The following CYP2S1 variants were observed in gnomAD, a reference collection of about 807,000 sequenced individuals.
The protein encoded by CYP2S1 is cytochrome P450 2S1.
In CYP2S1, 32 loss-of-function variants were observed where a neutral mutation model predicts 43.5. The observed-to-expected ratio is 0.74, with a 90% CI of 0.56 to 0.99. CYP2S1 has a LOEUF of 0.99. CYP2S1 is among the 50% of genes least tolerant of loss of function. CYP2S1 has a pLI of 0.00. For synonymous variants in CYP2S1, 283 were observed against 302.9 expected (o/e 0.93, Z 0.68); for missense variants, 575 against 673.9 (o/e 0.85, Z 1.62).
chr19:41,203,728 G>C, intron 7 of CYP2S1, 91 bp downstream of exon 7: 2 of 1,292,274 alleles, frequency 1.5e-6, no homozygotes, highest in African/African-American at 1.5e-5. Context: ...ACTTTTTCTT[G>C]ATCTTAGTGT....
At chr19:41,202,936 A>G (rs1015767895) in intron 6 of CYP2S1, among the ~76,000 whole-genome samples, 2 of 152,080 alleles carry the variant, frequency 1.3e-5, no homozygotes, top group Non-Finnish European at 2.9e-5. Flanking sequence ...CCCTGTCTCT[A>G]TTGAAAATAC....
chr19:41,201,160 G>A, intron 5 of CYP2S1, 71 bp from the exon 6 acceptor site: 1 of 1,554,620 alleles, frequency 6.4e-7, no homozygotes, highest in Non-Finnish European at 8.7e-7. Flanking sequence ...TCCGACCCCA[G>A]GCTTGGCTGT....
intron 5 of CYP2S1, among the ~76,000 whole-genome samples, chr19:41,200,024 T>G (rs1389897749): frequency 2.7e-5 from 4 of 148,822 alleles, no homozygotes; most frequent in Non-Finnish European, 4.5e-5. Flanking sequence ...ATAAGTAAAC[T>G]AGAATTAAGG....
At chr19:41,202,083 G>A (rs1467439252) in intron 6 of CYP2S1, among the ~76,000 whole-genome samples, 1 of 152,110 alleles carries the variant, frequency 6.6e-6, no homozygotes, top group Non-Finnish European at 1.5e-5. Flanking sequence ...GGCCTCCTGG[G>A]TTCAAGCAAT....
rs776293608 is a variant in CYP2S1, at chr19:41,203,553, G to A, written c.1080G>A (p.Ala360=). Residue 360 remains alanine, a synonymous_variant, in exon 7 of 9, where the codon GCG becomes GCA. Coordinates refer to ENST00000310054, the MANE Select transcript of CYP2S1 (RefSeq NM_030622.8). ...ACACCGACGCGGTTCTGCATGAGGC[G>A]CAGCGGCTGCTGGCGCTGGTGCCCA... is the stretch of plus-strand genomic sequence containing the variant. The part of the protein sequence containing the change: ...LPYTDAVLHE[A]QRLLALVPMG... 21 of 1,584,330 alleles carry A rather than the reference G, an allele frequency of 1.3e-5. No individual in the cohort carries two copies. Among genetic ancestry groups the A allele is most frequent in the Middle Eastern group, 1.7e-4 (1 of 5,826 alleles).
rs2033425239 is a variant in CYP2S1 at position 41,197,353 on chromosome 19, G to A, written c.344-426G>A. Among the ~76,000 whole-genome samples the A allele has an allele frequency of 2.0e-5, 3 of 152,244 alleles. No individual in the cohort carries two copies. In the South Asian group the frequency reaches 6.2e-4, roughly 32 times the overall value. On this transcript the variant is annotated intron_variant, in intron 2 of 8. Coordinates refer to ENST00000310054, the MANE Select transcript of CYP2S1 (RefSeq NM_030622.8). ...TGAGTCCTCATCCCTGGGCTAGGCTGGAATGGACTCAGATGGAGCCTGAAG... is the reference window on the plus strand; with the variant it reads ...TGAGTCCTCATCCCTGGGCTAGGCTAGAATGGACTCAGATGGAGCCTGAAG...
intron 7 of CYP2S1, among the ~76,000 whole-genome samples, chr19:41,205,350 CTT>C (rs1491467047): frequency 9.5e-6 from 1 of 105,054 alleles, no homozygotes; most frequent in East Asian, 2.3e-4. Flanking sequence ...TTTTTTCTTT[CTT>C]TCTTTCTTTC....
In CYP2S1 at chr19:41,207,489, G is replaced by A. The variant is rs1339127985; in HGVS notation, c.*1001G>A. The A allele has an allele frequency of 6.5e-6, 1 of 153,596 alleles. No individual in the cohort carries two copies. The highest frequency in any genetic ancestry group is 2.4e-5 in the African/African-American group (1 of 41,450). The allele number at this position is 153,596 out of a possible 1,614,324, so 9.5% of individuals were successfully genotyped here. A position where few individuals can be genotyped will look rare whatever the true frequency, so the allele number is the denominator to read the frequency against. ...GTGAGCCGGATCTGACGTTCCTTGT[G>A]ACTTAAGGGTCCGGCTTGGGAATTA... On this transcript the variant is annotated 3_prime_UTR_variant, in exon 9 of 9. Coordinates refer to ENST00000310054, the MANE Select transcript of CYP2S1 (RefSeq NM_030622.8).
Position 41,206,267 on chromosome 19 carries a change from C to G in CYP2S1, c.1307-13C>G. On this transcript the variant is annotated splice_polypyrimidine_tract_variant and intron_variant, in intron 8 of 8. Transcript: ENST00000310054. The stretch of plus-strand genomic sequence containing the variant: ...TACTGACTCAGCCCTCTCTCTCTCT[C>G]TCTCCTCACCAGGGAAGCGTGTCTG... The G allele has an allele frequency of 6.2e-7, 1 of 1,614,016 alleles. No individual in the cohort carries two copies. Among genetic ancestry groups the G allele is most frequent in the Non-Finnish European group, 8.5e-7 (1 of 1,180,010 alleles).
In CYP2S1 at chr19:41,193,259, G is replaced by C; in HGVS notation, c.-6G>C. Reference sequence around the variant, plus strand: ...CTGGGAGAGGAGAAGGAGCCGACCTGCCGAGATGGAGGCGACCGGCACCTG... The same window carrying C: ...CTGGGAGAGGAGAAGGAGCCGACCTCCCGAGATGGAGGCGACCGGCACCTG... On this transcript the variant is annotated 5_prime_UTR_variant, in exon 1 of 9. Transcript: ENST00000310054. The C allele has an allele frequency of 6.5e-7, 1 of 1,539,500 alleles. No individual in the cohort carries two copies. Among genetic ancestry groups the C allele is most frequent in the Non-Finnish European group, 8.7e-7 (1 of 1,146,444 alleles).
intron 3 of CYP2S1, 35 bp downstream of exon 3, chr19:41,197,963 C>G: frequency 7.6e-6 from 12 of 1,578,470 alleles, no homozygotes; most frequent in Non-Finnish European, 8.6e-6. Flanking sequence ...GGTCTCCAGC[C>G]GAGTGAAAGG....
At chr19:41,201,026 C>G (rs2033480929) in intron 5 of CYP2S1, among the ~76,000 whole-genome samples, 1 of 151,782 alleles carries the variant, frequency 6.6e-6, no homozygotes, top group Non-Finnish European at 1.5e-5. Flanking sequence ...TGCAGTGAGC[C>G]GAGATCGTGC....
Position 41,207,296 on chromosome 19 carries a change from C to T in CYP2S1, c.*808C>T. 4.9e-6 allele frequency: 1 copy of T among 203,706 alleles called. No individual in the cohort carries two copies. Among genetic ancestry groups the T allele is most frequent in the East Asian group, 1.2e-4 (1 of 8,612 alleles). 12.6% of individuals were successfully genotyped at this position (203,706 alleles called of 1,614,324 possible). On this transcript the variant is annotated 3_prime_UTR_variant, in exon 9 of 9. Transcript: ENST00000310054. ...GACCGGAGGAACACCTGCCCAACCC[C>T]AACACGTGCTTATGTAACCACGTGG...
chr19:41,203,247 A>G (rs985097251), intron 6 of CYP2S1, among the ~76,000 whole-genome samples: 2 of 152,060 alleles, frequency 1.3e-5, no homozygotes, highest in Non-Finnish European at 1.5e-5. Flanking sequence ...GAAATAAAAT[A>G]AAATAAAATA....
intron 7 of CYP2S1, among the ~76,000 whole-genome samples, chr19:41,205,325 C>CCTTTCTTT (rs67491669): frequency 2.6e-5 from 3 of 116,438 alleles, no homozygotes; most frequent in African/African-American, 5.7e-5. Context: ...CTATTCTTTG[C>CCTTTCTTT]CTTTCTTTCT....
At chr19:41,201,501 T>C (rs1203382204) in intron 6 of CYP2S1, 129 bp downstream of exon 6, 1 of 1,327,292 alleles carries the variant, frequency 7.5e-7, no homozygotes, top group Non-Finnish European at 1.0e-6. Flanking sequence ...AGAATAGGAG[T>C]TTAAGACCAG....
At chr19:41,203,429 C>G (rs1320266232) in intron 6 of CYP2S1, 21 bp from the exon 7 acceptor site, 2 of 1,575,832 alleles carry the variant, frequency 1.3e-6, no homozygotes, top group Non-Finnish European at 1.7e-6. Context: ...CGTCTGACTC[C>G]TGCCCTCCTC....
At chr19:41,197,573 G>T (rs1250737827) in intron 2 of CYP2S1, among the ~76,000 whole-genome samples, 1 of 151,820 alleles carries the variant, frequency 6.6e-6, no homozygotes, top group Non-Finnish European at 1.5e-5. Flanking sequence ...GGTGGCGGGC[G>T]CCTGTAGTCC....
rs909209127 is a variant in CYP2S1, at chr19:41,193,635, C to T, written c.177+194C>T. ...CAGGGCTGAGAAGGGGAGAGGTGCC[C>T]GGGAGAGAGGATCGTGGGGTGGGGG... On this transcript the variant is annotated intron_variant, in intron 1 of 8. Coordinates refer to ENST00000310054, the MANE Select transcript of CYP2S1 (RefSeq NM_030622.8). The T allele has an allele frequency of 2.3e-5, 26 of 1,138,734 alleles. No individual in the cohort carries two copies. In the South Asian group the frequency reaches 7.8e-4, roughly 34 times the overall value. 70.5% of individuals were successfully genotyped at this position (1,138,734 alleles called of 1,614,324 possible).
Sources: allele counts gnomAD v4.1 joint callset (sites outside exome capture counted in the v4.1 genomes callset), GRCh38; gene constraint gnomAD v4.1.1; transcripts MANE v1.5; gene names NCBI Gene and HGNC (gene_info 2026-07-23, HGNC 2026-07-21).